NPAS3: variants seen among roughly 807,000 people sequenced by gnomAD.
NPAS3 encodes neuronal PAS domain-containing protein 3.
A neutral mutation model predicts 73.1 loss-of-function variants in NPAS3; 14 were observed. That is an observed-to-expected ratio of 0.19 (90% CI 0.13 to 0.30). NPAS3 has a LOEUF of 0.30. Among genes scored for constraint, NPAS3 ranks in the 10% least tolerant of loss-of-function variants. The pLI is 1.00. For missense variants in NPAS3, 1,096 were observed against 1,250.0 expected, an observed-to-expected ratio of 0.88 and a Z score of 1.86; for synonymous variants, 620 against 541.5, an observed-to-expected ratio of 1.14 and a Z score of -2.01.
chr14:33,395,088 G>C (rs753534596), intron 4 of NPAS3, among the ~76,000 whole-genome samples: 1 of 152,166 alleles, frequency 6.6e-6, no homozygotes, highest in African/African-American at 2.4e-5. Context: ...TGCAGTAAGA[G>C]AATTGCAAAT....
intron 11 of NPAS3, 67 bp from the exon 12 acceptor site, chr14:33,799,667 G>A (rs554564899): frequency 7.2e-6 from 11 of 1,528,100 alleles, no homozygotes; most frequent in Middle Eastern, 1.7e-4. Context: ...GGGTCGCCCC[G>A]CTAACCTGGT....
At chr14:33,534,119 T>A (rs2054157445) in intron 4 of NPAS3, among the ~76,000 whole-genome samples, 1 of 152,040 alleles carries the variant, frequency 6.6e-6, no homozygotes, top group African/African-American at 2.4e-5. Flanking sequence ...AGGGAGAATT[T>A]ACAGCCGCCT....
rs535079526 is a variant in NPAS3 at position 32,941,636 on chromosome 14, G to C, written c.50+2270G>C. Reference sequence around the variant, plus strand: ...GTCTGAAATTCTGATTGAAGTTGTAGGAGGATATACTGTATTTAATTTAAT... The same window carrying C: ...GTCTGAAATTCTGATTGAAGTTGTACGAGGATATACTGTATTTAATTTAAT... On this transcript the variant is annotated intron_variant, in intron 1 of 11. Coordinates refer to ENST00000356141, the Ensembl canonical transcript of NPAS3. 1.6e-4 allele frequency among the ~76,000 whole-genome samples: 24 copies of C among 152,090 alleles called. No homozygotes were observed. The South Asian group carries it at 4.6e-3, about 29-fold the overall frequency.
At chr14:33,415,268 A>C (rs1229511345) in intron 4 of NPAS3, among the ~76,000 whole-genome samples, 1 of 152,162 alleles carries the variant, frequency 6.6e-6, no homozygotes, top group African/African-American at 2.4e-5. Flanking sequence ...ATCAAGTATT[A>C]TAACAAGAAT....
chr14:33,711,145 A>C (rs140390183), intron 6 of NPAS3, among the ~76,000 whole-genome samples: 5 of 152,338 alleles, frequency 3.3e-5, no homozygotes, highest in African/African-American at 1.2e-4. Context: ...TGTATAATAA[A>C]ACTTTCCTGA....
intron 2 of NPAS3, among the ~76,000 whole-genome samples, chr14:33,133,225 CAG>C (rs1171186938): frequency 2.0e-5 from 3 of 152,022 alleles, no homozygotes; most frequent in African/African-American, 7.2e-5. Context: ...CACCAAGAAT[CAG>C]AATCTCTTAT....
chr14:33,339,982 C>A (rs149744454), intron 3 of NPAS3, among the ~76,000 whole-genome samples: 252 of 152,220 alleles, frequency 1.7e-3, no homozygotes, highest in Non-Finnish European at 2.8e-3. Context: ...GAGGCAGAGA[C>A]AACAAGTTTA....
At chr14:33,588,412 T>A (rs1173374686) in intron 5 of NPAS3, among the ~76,000 whole-genome samples, 1 of 152,202 alleles carries the variant, frequency 6.6e-6, no homozygotes, top group African/African-American at 2.4e-5. Context: ...CAACTATGGA[T>A]GCTTGATCGA....
chr14:33,396,340 C>T (rs2047221516), intron 4 of NPAS3, among the ~76,000 whole-genome samples: 1 of 152,124 alleles, frequency 6.6e-6, no homozygotes, highest in South Asian at 2.1e-4. Context: ...ATGGTCCTGA[C>T]TCTGAGCAGT....
chr14:33,400,160 C>A (rs971472349), intron 4 of NPAS3, among the ~76,000 whole-genome samples: 1 of 152,128 alleles, frequency 6.6e-6, no homozygotes, highest in African/African-American at 2.4e-5. Flanking sequence ...ATTTTCCTTA[C>A]ATTTTTAAAG....
chr14:33,377,447 G>A (rs2046357956), intron 4 of NPAS3, among the ~76,000 whole-genome samples: 2 of 152,234 alleles, frequency 1.3e-5, no homozygotes, highest in African/African-American at 4.8e-5. Flanking sequence ...AATTATGCTG[G>A]TGAAACGGTT....
intron 2 of NPAS3, among the ~76,000 whole-genome samples, chr14:33,145,217 A>G (rs1405097002): frequency 6.6e-6 from 1 of 152,206 alleles, no homozygotes; most frequent in Admixed American, 6.5e-5. Context: ...ATGAACGTGT[A>G]TATGTATGAA....
chr14:33,641,642 C>T lies in NPAS3; in HGVS notation c.559-34569C>T, dbSNP rs111629972. Among the ~76,000 whole-genome samples the T allele has an allele frequency of 6.5e-3, 980 of 151,904 alleles. 13 individuals carry two copies. The highest frequency in any genetic ancestry group is 0.022 in the African/African-American group (918 of 41,418). On this transcript the variant is annotated intron_variant, in intron 5 of 11. Coordinates refer to ENST00000356141, the Ensembl canonical transcript of NPAS3. ...TCTCTCCTGATGGAGAGCATCTAAC[C>T]TCCTACTCCACATTTGTTTAAGCTT...
chr14:33,251,521 T>A (rs1345974663), intron 3 of NPAS3, among the ~76,000 whole-genome samples: 1 of 152,100 alleles, frequency 6.6e-6, no homozygotes, highest in African/African-American at 2.4e-5. Flanking sequence ...TCCTCTGAAA[T>A]CATTCCAACT....
At chr14:33,767,448 G>A (rs1241710697) in intron 7 of NPAS3, among the ~76,000 whole-genome samples, 5 of 151,894 alleles carry the variant, frequency 3.3e-5, no homozygotes, top group South Asian at 4.2e-4. Flanking sequence ...GTGATTTGAC[G>A]ATCTGTATGC....
At chr14:33,388,189 G>T (rs986601663) in intron 4 of NPAS3, among the ~76,000 whole-genome samples, 1 of 152,178 alleles carries the variant, frequency 6.6e-6, no homozygotes, top group Non-Finnish European at 1.5e-5. Flanking sequence ...AGGAGCTGTA[G>T]AAAAGTTGGC....
intron 4 of NPAS3, among the ~76,000 whole-genome samples, chr14:33,389,547 A>G (rs553456844): frequency 1.3e-5 from 2 of 152,314 alleles, no homozygotes; most frequent in South Asian, 2.1e-4. Flanking sequence ...AAGTGACACT[A>G]ATGCAGCTCT....
chr14:33,193,225 T>TTTTA (rs2046233984), intron 2 of NPAS3, among the ~76,000 whole-genome samples: 1 of 151,846 alleles, frequency 6.6e-6, no homozygotes, highest in African/African-American at 2.4e-5. Flanking sequence ...AGGCTTAACA[T>TTTTA]TTTATTTATT....
At chr14:33,648,127 C>T (rs1044040990) in intron 5 of NPAS3, among the ~76,000 whole-genome samples, 20 of 152,132 alleles carry the variant, frequency 1.3e-4, no homozygotes, top group African/African-American at 4.6e-4. Context: ...GGGAACAGAT[C>T]GAGACTAGCA....
Sources: gnomAD v4.1 joint callset for allele counts (sites outside exome capture counted in the v4.1 genomes callset) on GRCh38, gnomAD v4.1.1 for gene constraint, MANE v1.5 for transcripts, NCBI Gene and HGNC (gene_info 2026-07-23, HGNC 2026-07-21) for gene names.